The following GPHN variants were observed in gnomAD, a reference collection of about 807,000 sequenced individuals.
The protein encoded by GPHN is gephyrin.
Under a neutral mutation model 95.5 loss-of-function variants are expected in GPHN, and 17 were observed. The observed-to-expected ratio is 0.18, with a 90% confidence interval of 0.12 to 0.27. GPHN has a LOEUF of 0.27. GPHN is among the 10% of genes least tolerant of loss of function. The probability of loss-of-function intolerance (pLI) is 1.00; values close to 1 mark genes in which losing one functional copy is unlikely to be tolerated. For missense variants in GPHN, 660 were observed against 978.1 expected, an observed-to-expected ratio of 0.67 and a Z score of 4.34; for synonymous variants, 320 against 322.5, an observed-to-expected ratio of 0.99 and a Z score of 0.08.
At chr14:66,935,717 T>G (rs1324637019) in intron 8 of GPHN, among the ~76,000 whole-genome samples, 2 of 151,870 alleles carry the variant, frequency 1.3e-5, no homozygotes, top group Non-Finnish European at 2.9e-5. Flanking sequence ...CATGTGTTTA[T>G]GTGCACGTAT....
At chr14:66,611,423 A>G (rs1327278146) in intron 1 of GPHN, among the ~76,000 whole-genome samples, 1 of 152,170 alleles carries the variant, frequency 6.6e-6, no homozygotes, top group East Asian at 1.9e-4. Context: ...GAGACAAAAA[A>G]GCATAGAAAA....
chr14:67,323,233 G>GTGTGTA, the GPHN span, among the ~76,000 whole-genome samples: 38 of 14,920 alleles, frequency 2.5e-3, no homozygotes, highest in Non-Finnish European at 0.011. Flanking sequence ...ATATATACAC[G>GTGTGTA]TGTGTGTGTG....
chr14:67,339,186 G>A, the GPHN span, among the ~76,000 whole-genome samples: 2 of 151,748 alleles, frequency 1.3e-5, no homozygotes, highest in East Asian at 1.9e-4. Flanking sequence ...TAGTAGAGAC[G>A]GAGGGTTTCA....
At chr14:67,278,443 A>C in the GPHN span, among the ~76,000 whole-genome samples, 49 of 151,970 alleles carry the variant, frequency 3.2e-4, no homozygotes, top group African/African-American at 1.2e-3. Context: ...TGCTAATTGA[A>C]GTTTCTTATT....
the GPHN span, among the ~76,000 whole-genome samples, chr14:67,521,295 T>C: frequency 1.3e-5 from 2 of 152,222 alleles, no homozygotes; most frequent in East Asian, 1.9e-4. Context: ...AATGAGTGCA[T>C]TGTGACAGGG....
the GPHN span, among the ~76,000 whole-genome samples, chr14:67,664,807 G>A: frequency 3.9e-5 from 6 of 152,132 alleles, no homozygotes; most frequent in Non-Finnish European, 7.4e-5. Flanking sequence ...AATGGCATGT[G>A]GGTATTCAGT....
chr14:67,438,018 TTGGTA>T, the GPHN span, among the ~76,000 whole-genome samples: 2 of 152,066 alleles, frequency 1.3e-5, no homozygotes, highest in Non-Finnish European at 2.9e-5. Context: ...AGGAGCCAGT[TTGGTA>T]TTTGGGGCGG....
chr14:67,587,002 G>A, the GPHN span: 1 of 1,527,872 alleles, frequency 6.5e-7, no homozygotes, highest in Non-Finnish European at 8.9e-7. Context: ...CAGCATAAGA[G>A]CTAATAAGTA....
At chr14:67,714,695 G>A in the GPHN span, 1 of 153,408 alleles carries the variant, frequency 6.5e-6, no homozygotes, top group East Asian at 1.9e-4. Context: ...GTTCAAAAAT[G>A]CCCCACACAT....
chr14:67,214,895 T>TGGATTCCTAGGTATTTTATTCCCTTTGA, the GPHN span, among the ~76,000 whole-genome samples: 1 of 152,138 alleles, frequency 6.6e-6, no homozygotes, highest in Non-Finnish European at 1.5e-5. Context: ...CCTTGTAAGT[T>TGGATTCCTAGGTATTTTATTCCCTTTGA]GGATTCCTAG....
chr14:67,201,629 C>A, the GPHN span: 1 of 430,880 alleles, frequency 2.3e-6, no homozygotes. Context: ...GGAGTGGAAC[C>A]ACCACTACCC....
intron 3 of GPHN, among the ~76,000 whole-genome samples, chr14:66,789,512 G>T (rs1256370792): frequency 3.9e-5 from 6 of 152,120 alleles, no homozygotes; most frequent in Admixed American, 2.6e-4. Flanking sequence ...TCAATTACTG[G>T]CTTTAGGGTT....
chr14:66,899,108 T>C (rs1456254676), intron 5 of GPHN, among the ~76,000 whole-genome samples: 1 of 147,746 alleles, frequency 6.8e-6, no homozygotes, highest in East Asian at 2.0e-4. Flanking sequence ...CTATTAATTC[T>C]AGGAGGGCTT....
At chr14:66,637,388 A>G (rs2064158128) in intron 1 of GPHN, among the ~76,000 whole-genome samples, 1 of 152,318 alleles carries the variant, frequency 6.6e-6, no homozygotes, top group Admixed American at 6.5e-5. Context: ...CAGGGAATGA[A>G]ATCCTTTTCT....
chr14:67,375,062 CTAGCGTGT>C, the GPHN span, among the ~76,000 whole-genome samples: 2 of 152,188 alleles, frequency 1.3e-5, no homozygotes, highest in Non-Finnish European at 2.9e-5. Flanking sequence ...TCCCCCTCCA[CTAGCGTGT>C]TAGGATTATT....
chr14:66,811,869 A>G (rs2060777205), intron 3 of GPHN, among the ~76,000 whole-genome samples: 1 of 152,230 alleles, frequency 6.6e-6, no homozygotes, highest in South Asian at 2.1e-4. Flanking sequence ...ATCACAAGTA[A>G]CTATTATAAA....
At chr14:66,887,530 G>A (rs975215362) in intron 5 of GPHN, among the ~76,000 whole-genome samples, 7 of 152,104 alleles carry the variant, frequency 4.6e-5, no homozygotes, top group South Asian at 2.1e-4. Context: ...AGCTGAGATC[G>A]TGCCACTGCA....
chr14:66,621,269 C>T (rs2063285690), intron 1 of GPHN, among the ~76,000 whole-genome samples: 1 of 130,750 alleles, frequency 7.6e-6, no homozygotes, highest in Admixed American at 7.6e-5. Flanking sequence ...GCCACTGCAC[C>T]CAGCCAATTT....
the GPHN span, among the ~76,000 whole-genome samples, chr14:67,459,915 A>G: frequency 3.8e-3 from 575 of 152,380 alleles, 2 homozygotes; most frequent in Non-Finnish European, 6.9e-3. Flanking sequence ...CTTTTAGAAC[A>G]GTGCAAAACT....
Sources: gnomAD v4.1 joint callset for allele counts (sites outside exome capture counted in the v4.1 genomes callset) on GRCh38, gnomAD v4.1.1 for gene constraint, MANE v1.5 for transcripts, NCBI Gene and HGNC (gene_info 2026-07-23, HGNC 2026-07-21) for gene names.